Variants in FER1L6 observed in about 807,000 individuals in gnomAD.
FER1L6 encodes the protein fer-1-like protein 6.
FER1L6 carries 177 observed loss-of-function variants against 219.2 expected under a neutral mutation model. The ratio of observed to expected loss-of-function variants is 0.81; its 90% confidence interval spans 0.71 to 0.91. The LOEUF (loss-of-function observed/expected upper bound fraction) is 0.91. Among genes scored for constraint, FER1L6 ranks in the 40% least tolerant of loss-of-function variants. The probability of loss-of-function intolerance (pLI) is 0.00; values close to 1 mark genes in which losing one functional copy is unlikely to be tolerated. For synonymous variants in FER1L6, 768 were observed against 824.3 expected, an observed-to-expected ratio of 0.93 and a Z score of 1.17; for missense variants, 2,153 against 2,259.9, an observed-to-expected ratio of 0.95 and a Z score of 0.96.
chr8:123,887,150 T>C (rs1266725909), intron 1 of FER1L6, among the ~76,000 whole-genome samples: 2 of 152,222 alleles, frequency 1.3e-5, no homozygotes, highest in Non-Finnish European at 2.9e-5. Context: ...TCTTCCCTGC[T>C]ACGTAAACTC....
chr8:123,921,839 G>A (rs1586468092), intron 1 of FER1L6, among the ~76,000 whole-genome samples: 1 of 152,030 alleles, frequency 6.6e-6, no homozygotes, highest in East Asian at 1.9e-4. Flanking sequence ...TTAGTGTAGA[G>A]GCCGCCCTCG....
chr8:124,002,782 A>G (rs1817475115), intron 12 of FER1L6, among the ~76,000 whole-genome samples: 1 of 146,480 alleles, frequency 6.8e-6, no homozygotes, highest in South Asian at 2.1e-4. Flanking sequence ...ATATTTAGTG[A>G]AAAAGGCAGG....
intron 7 of FER1L6, among the ~76,000 whole-genome samples, chr8:123,974,680 A>AAAAAAAAAAAAAAAAAT (rs1362934333): frequency 2.0e-5 from 3 of 148,488 alleles, no homozygotes; most frequent in Non-Finnish European, 4.5e-5. Context: ...AAAAAAAAAA[A>AAAAAAAAAAAAAAAAAT]AAGAAATGTG....
At chr8:123,895,109 A>T (rs1168955292) in intron 1 of FER1L6, among the ~76,000 whole-genome samples, 2 of 152,260 alleles carry the variant, frequency 1.3e-5, no homozygotes, top group Non-Finnish European at 2.9e-5. Context: ...AGATTGCATC[A>T]TCACTTCATG....
chr8:123,943,938 C>G (rs1422303567), intron 1 of FER1L6, among the ~76,000 whole-genome samples: 1 of 152,078 alleles, frequency 6.6e-6, no homozygotes, highest in Non-Finnish European at 1.5e-5. Flanking sequence ...GTACACTACT[C>G]TGACTAGGTG....
chr8:124,046,802 G>C (rs1342598316), intron 21 of FER1L6: 1 of 152,170 alleles, frequency 6.6e-6, no homozygotes, highest in African/African-American at 2.4e-5. Flanking sequence ...GACACAGAAA[G>C]CTCAAATACC....
intron 1 of FER1L6, among the ~76,000 whole-genome samples, chr8:123,854,173 G>T (rs1816584463): frequency 6.6e-6 from 1 of 152,166 alleles, no homozygotes; most frequent in Admixed American, 6.5e-5. Flanking sequence ...CCTTATGTTT[G>T]TAAATGATCT....
rs748411318 is a variant in FER1L6 at position 123,966,065 on chromosome 8, A to T, written c.252+4A>T. ...GGTCAGATCCCAAAATTATCAAGTA[A>T]GTGATTGGCTCTTCCTGCCCAGCCT... On this transcript the variant is annotated splice_donor_region_variant and intron_variant, in intron 4 of 40. Transcript: ENST00000522917. 3 of 1,613,760 alleles carry T rather than the reference A, an allele frequency of 1.9e-6. No individual in the cohort carries two copies. Among genetic ancestry groups the T allele is most frequent in the South Asian group, 2.2e-5 (2 of 91,012 alleles).
rs374077699 is a variant in FER1L6, at chr8:123,966,048, C to A, written c.239C>A (p.Ser80Tyr). 1.0e-4 allele frequency: 165 copies of A among 1,613,526 alleles called. No homozygotes were observed. Among genetic ancestry groups the A allele is most frequent in the Non-Finnish European group, 9.4e-5 (111 of 1,179,770 alleles). ...LTKIHDGEVR[S>Y]QNYQIAITIT... is the part of the protein sequence containing the mutation. ...AAGATCCATGATGGGGAGGTCAGAT[C>A]CCAAAATTATCAAGTAAGTGATTGG... The change falls in exon 4 of 41, where the codon TCC becomes TAC. Residue 80 changes from serine to tyrosine, a missense_variant. Transcript: ENST00000522917.
rs765086253 is a variant in FER1L6 at position 123,977,625 on chromosome 8, T to C, written c.1063+16T>C. On this transcript the variant is annotated intron_variant, in intron 10 of 40. Transcript: ENST00000522917. ...GGAGACAAAGGTAAAGTCCCATCCA[T>C]CTGACTTGAAAAATGTCTCAAAATG... 1.9e-6 allele frequency: 3 copies of C among 1,611,436 alleles called. No individual in the cohort carries two copies. The highest frequency in any genetic ancestry group is 4.5e-5 in the East Asian group (2 of 44,810).
chr8:123,891,091 T>A (rs1812641729), intron 1 of FER1L6, among the ~76,000 whole-genome samples: 1 of 152,180 alleles, frequency 6.6e-6, no homozygotes. Context: ...TCACTTGGAT[T>A]AAGTAACAAT....
intron 1 of FER1L6, among the ~76,000 whole-genome samples, chr8:123,879,956 C>A (rs1167067016): frequency 6.6e-6 from 1 of 152,098 alleles, no homozygotes; most frequent in Non-Finnish European, 1.5e-5. Context: ...TGGTGCTGTC[C>A]CCCGTTCACC....
In FER1L6 at chr8:124,040,007, G is replaced by A. The variant is rs1819410263; in HGVS notation, c.2589+1G>A. 1 of 1,613,888 alleles carries A rather than the reference G, an allele frequency of 6.2e-7. No homozygotes were observed. The highest frequency in any genetic ancestry group is 1.3e-5 in the African/African-American group (1 of 74,906). On this transcript the variant is annotated splice_donor_variant, in intron 20 of 40. Transcript: ENST00000522917. LOFTEE classifies it high-confidence loss of function. ...CCTTTCTCACTGCCAGACAACAAAGGTAACCAGGGTAACCAAGACAGCCTG... is the reference window on the plus strand; with the variant it reads ...CCTTTCTCACTGCCAGACAACAAAGATAACCAGGGTAACCAAGACAGCCTG...
In FER1L6 at chr8:124,097,423, C is replaced by T. The variant is rs1822354899; in HGVS notation, c.4784+64C>T. ...AGGGTAGCAGATGAAAGAATCATGA[C>T]ATTTTATCTGGTGTCTGACAGGTTA... On this transcript the variant is annotated intron_variant, in intron 36 of 40. Transcript: ENST00000522917. 5 of 1,180,362 alleles carry T rather than the reference C, an allele frequency of 4.2e-6. No individual in the cohort carries two copies. In the East Asian group the frequency reaches 1.2e-4, roughly 28 times the overall value. The allele number at this position is 1,180,362 out of a possible 1,614,324, so 73.1% of individuals were successfully genotyped here.
rs746517771 is a variant in FER1L6 at position 124,013,446 on chromosome 8, G to T, written c.1837G>T (p.Glu613Ter). 12 of 1,607,722 alleles carry T rather than the reference G, an allele frequency of 7.5e-6. No individual in the cohort carries two copies. The highest frequency in any genetic ancestry group is 3.4e-5 in the Admixed American group (2 of 58,090). Residue 613 changes from glutamate to a stop codon, truncating the protein, a stop_gained, in exon 15 of 41, where the codon GAA (glutamate) becomes TAA (stop). Transcript: ENST00000522917. LOFTEE classifies it high-confidence loss of function. ...TTGTTTTCAGGAAGAAAGTATAGAA[G>T]AAGTGAGAGAATTGATCAAGATTTC... ...MADFLEESIE[E>*]VRELIKISQE... is the part of the protein sequence containing the mutation.
chr8:124,106,916 A>C (rs1039515783), intron 39 of FER1L6, among the ~76,000 whole-genome samples: 5 of 148,818 alleles, frequency 3.4e-5, no homozygotes, highest in South Asian at 2.1e-4. Flanking sequence ...TAATTAATTG[A>C]CCCTAGTATA....
At chr8:124,116,451 A>G (rs544766427) in intron 39 of FER1L6, among the ~76,000 whole-genome samples, 44 of 151,836 alleles carry the variant, frequency 2.9e-4, no homozygotes, top group Non-Finnish European at 2.5e-4. Context: ...CAAAAAGGGC[A>G]TGCATGAAAC....
At chr8:123,882,507 C>T (rs904189363) in intron 1 of FER1L6, among the ~76,000 whole-genome samples, 9 of 152,206 alleles carry the variant, frequency 5.9e-5, no homozygotes, top group African/African-American at 1.9e-4. Flanking sequence ...ATTTACTGAG[C>T]ACTGACCATA....
intron 1 of FER1L6, chr8:123,925,964 T>A (rs1484326448): frequency 6.6e-6 from 1 of 152,234 alleles, no homozygotes; most frequent in Non-Finnish European, 1.5e-5. Flanking sequence ...TGGAGCCCAG[T>A]GCACAAGTGG....
Sources: allele counts gnomAD v4.1 joint callset (sites outside exome capture counted in the v4.1 genomes callset), GRCh38; gene constraint gnomAD v4.1.1; transcripts MANE v1.5; gene names NCBI Gene and HGNC (gene_info 2026-07-23, HGNC 2026-07-21).